CALD1: variants seen among roughly 807,000 people sequenced by gnomAD.
CALD1 encodes the protein caldesmon 1, also known as caldesmon.
A neutral mutation model predicts 99.9 loss-of-function variants in CALD1; 33 were observed. The ratio of observed to expected loss-of-function variants is 0.33; its 90% CI spans 0.25 to 0.44. CALD1 has a LOEUF of 0.44. CALD1 is among the 20% of genes least tolerant of loss of function. CALD1 has a pLI of 1.00. For missense variants in CALD1, 861 were observed against 962.1 expected (o/e 0.89, Z 1.39); for synonymous variants, 310 against 325.0 (o/e 0.95, Z 0.50).
chr7:134,809,662 T>C (rs1461546046), intron 1 of CALD1: 1 of 152,212 alleles, frequency 6.6e-6, no homozygotes, highest in Non-Finnish European at 1.5e-5. Context: ...TCAGTTTTAG[T>C]CATATCTGTC....
chr7:134,775,739 ATGCATGGAT>A (rs1334422404), upstream of CALD1, among the ~76,000 whole-genome samples: 2 of 151,998 alleles, frequency 1.3e-5, no homozygotes, highest in Non-Finnish European at 2.9e-5. Flanking sequence ...AGAATAATGA[ATGCATGGAT>A]TACTTTGAGG....
chr7:134,958,625 C>T (rs1018750501), intron 11 of CALD1, among the ~76,000 whole-genome samples: 17 of 151,480 alleles, frequency 1.1e-4, no homozygotes, highest in Non-Finnish European at 2.2e-4. Context: ...AGGCAGGTCT[C>T]GAATTCCTGA....
At chr7:134,907,308 G>C (rs1803462069) in intron 3 of CALD1, among the ~76,000 whole-genome samples, 1 of 152,060 alleles carries the variant, frequency 6.6e-6, no homozygotes, top group South Asian at 2.1e-4. Flanking sequence ...TGTGAGAAGA[G>C]GAAGAAGGTG....
intron 2 of CALD1, among the ~76,000 whole-genome samples, chr7:134,851,465 C>A (rs1193012427): frequency 6.6e-6 from 1 of 152,136 alleles, no homozygotes; most frequent in Non-Finnish European, 1.5e-5. Context: ...TCTGAGCAAG[C>A]ACTTGCTTAG....
intron 1 of CALD1, among the ~76,000 whole-genome samples, chr7:134,831,763 C>A (rs76246253): frequency 3.3e-5 from 5 of 152,072 alleles, no homozygotes; most frequent in East Asian, 3.8e-4. Flanking sequence ...GAGTTATCTG[C>A]GAGTTACCGG....
intron 11 of CALD1, 104 bp from the exon 12 acceptor site, chr7:134,959,870 A>G: frequency 7.2e-6 from 9 of 1,247,184 alleles, no homozygotes; most frequent in Admixed American, 2.2e-5. Context: ...AGGTGTTTAC[A>G]CAATGAATTT....
At chr7:134,723,528 A>G in the CALD1 span, among the ~76,000 whole-genome samples, 1 of 146,402 alleles carries the variant, frequency 6.8e-6, no homozygotes, top group Non-Finnish European at 1.5e-5. Context: ...ACAGTAGAAA[A>G]GGTAACTTTT....
intron 1 of CALD1, among the ~76,000 whole-genome samples, chr7:134,792,214 A>G (rs1037415748): frequency 1.3e-5 from 2 of 150,714 alleles, no homozygotes; most frequent in African/African-American, 4.9e-5. Flanking sequence ...TCTCTGTTTC[A>G]CTTGTAGATG....
At chr7:134,956,501 A>G (rs1032050814) in intron 9 of CALD1, among the ~76,000 whole-genome samples, 1 of 152,336 alleles carries the variant, frequency 6.6e-6, no homozygotes, top group Non-Finnish European at 1.5e-5. Context: ...TCTATTCTGC[A>G]CTATATGAGG....
At chr7:134,835,693 CTCTT>C (rs1333323346) in intron 1 of CALD1, among the ~76,000 whole-genome samples, 4 of 152,144 alleles carry the variant, frequency 2.6e-5, no homozygotes, top group Admixed American at 1.3e-4. Context: ...ACTTGAGACA[CTCTT>C]TCTTTGTGAA....
chr7:134,840,193 C>A (rs1262696370), intron 1 of CALD1, among the ~76,000 whole-genome samples: 2 of 152,146 alleles, frequency 1.3e-5, no homozygotes, highest in Non-Finnish European at 2.9e-5. Flanking sequence ...GATCCACAAT[C>A]AATCTGAAAG....
At chr7:134,861,388 A>G (rs1800557641) in intron 2 of CALD1, among the ~76,000 whole-genome samples, 1 of 152,244 alleles carries the variant, frequency 6.6e-6, no homozygotes, top group Admixed American at 6.5e-5. Flanking sequence ...CAATACCTGT[A>G]GGATGAAGAG....
At chr7:134,714,382 T>C in the CALD1 span, among the ~76,000 whole-genome samples, 1 of 152,154 alleles carries the variant, frequency 6.6e-6, no homozygotes, top group African/African-American at 2.4e-5. Context: ...GACTTGTCCT[T>C]CCTCTGGCAG....
intron 1 of CALD1, among the ~76,000 whole-genome samples, chr7:134,787,850 T>C (rs1056023944): frequency 2.0e-5 from 3 of 152,172 alleles, no homozygotes; most frequent in African/African-American, 4.8e-5. Flanking sequence ...AGTAAGAATG[T>C]CAAAATTGTT....
rs144896079 is a variant in CALD1 at position 134,963,521 on chromosome 7, A to T, written c.2296-1785A>T. ...CTGTTAGCTTTGCCTTCCTCCTGAG[A>T]AAAGGGTTTGCCAAGATAAGCATTA... On this transcript the variant is annotated intron_variant, in intron 13 of 14. Transcript: ENST00000361675. Among the ~76,000 whole-genome samples the T allele has an allele frequency of 5.2e-4, 79 of 152,346 alleles. 1 individual carries two copies. The highest frequency in any genetic ancestry group is 1.8e-3 in the African/African-American group (73 of 41,586).
intron 1 of CALD1, among the ~76,000 whole-genome samples, chr7:134,770,175 G>C (rs1796865772): frequency 6.6e-6 from 1 of 152,098 alleles, no homozygotes; most frequent in African/African-American, 2.4e-5. Flanking sequence ...TTTGTTTCTT[G>C]CTCCCGTCAC....
chr7:134,822,529 C>G (rs1181957272), intron 1 of CALD1, among the ~76,000 whole-genome samples: 4 of 152,250 alleles, frequency 2.6e-5, no homozygotes, highest in African/African-American at 9.6e-5. Flanking sequence ...TAAGAAACGA[C>G]AAAATTTAAT....
At chr7:134,711,746 CTG>C in the CALD1 span, among the ~76,000 whole-genome samples, 1 of 144,686 alleles carries the variant, frequency 6.9e-6, no homozygotes, top group Non-Finnish European at 1.5e-5. Flanking sequence ...CTGTCTCTGT[CTG>C]TCTCTCTCCA....
intron 1 of CALD1, among the ~76,000 whole-genome samples, chr7:134,757,735 C>T (rs1422879154): frequency 1.4e-4 from 21 of 151,814 alleles, no homozygotes; most frequent in Non-Finnish European, 2.4e-4. Context: ...AAAAATTAGC[C>T]GGGCATGGTG....
Sources: allele counts gnomAD v4.1 joint callset (sites outside exome capture counted in the v4.1 genomes callset), GRCh38; gene constraint gnomAD v4.1.1; transcripts MANE v1.5; gene names NCBI Gene and HGNC (gene_info 2026-07-23, HGNC 2026-07-21).